LRBA: variants seen among roughly 807,000 people sequenced by gnomAD.
The protein encoded by LRBA is lipopolysaccharide-responsive and beige-like anchor protein.
LRBA carries 176 observed loss-of-function variants against 330.0 expected under a neutral mutation model. The observed-to-expected ratio is 0.53, with a 90% CI of 0.47 to 0.60. The LOEUF (loss-of-function observed/expected upper bound fraction) is 0.60. Ranked by LOEUF, LRBA falls within the 20% of genes least tolerant of loss-of-function variation. LRBA has a pLI of 0.00. For synonymous variants in LRBA, 1,230 were observed against 1,193.0 expected (o/e 1.03, Z -0.64); for missense variants, 3,259 against 3,444.8 (o/e 0.95, Z 1.35).
chr4:150,546,044 G>C (rs1765824888), intron 40 of LRBA, among the ~76,000 whole-genome samples: 2 of 152,106 alleles, frequency 1.3e-5, no homozygotes, highest in African/African-American at 4.8e-5. Context: ...AACTACTGTA[G>C]TTAAAGCTTG....
chr4:150,877,257 CAAAAAAA>C (rs796849728), intron 17 of LRBA, among the ~76,000 whole-genome samples: 2 of 81,780 alleles, frequency 2.4e-5, no homozygotes, highest in Non-Finnish European at 5.3e-5. Context: ...GACTCCGTAT[CAAAAAAA>C]AAAAAAAAAA....
intron 36 of LRBA, among the ~76,000 whole-genome samples, chr4:150,719,914 A>ACTC (rs1728707387): frequency 1.3e-5 from 2 of 152,192 alleles, no homozygotes; most frequent in Admixed American, 1.3e-4. Flanking sequence ...TCCCATGAGA[A>ACTC]CTGTCTATAG....
chr4:150,987,039 C>G (rs948934488), intron 2 of LRBA, among the ~76,000 whole-genome samples: 1 of 152,200 alleles, frequency 6.6e-6, no homozygotes, highest in African/African-American at 2.4e-5. Flanking sequence ...TTTGACATGT[C>G]TCAGGCAAAA....
chr4:150,959,441 GAA>G lies in LRBA; in HGVS notation c.217-30378_217-30377del, dbSNP rs1340518761. Among the ~76,000 whole-genome samples, 3 of 149,244 alleles carry G rather than the reference GAA, an allele frequency of 2.0e-5. 1 individual carries two copies. Among genetic ancestry groups the G allele is most frequent in the African/African-American group, 7.8e-5 (3 of 38,650 alleles). On this transcript the variant is annotated intron_variant, in intron 2 of 56. Transcript: ENST00000651943. ...GAACTAGAAATGAAAATATGAGCCT[GAA>G]ATATCTTGCCATAAAAATAGCAGAA...
intron 23 of LRBA, 59 bp from the exon 24 acceptor site, chr4:150,850,961 A>T: frequency 7.9e-7 from 1 of 1,264,324 alleles, no homozygotes; most frequent in Non-Finnish European, 1.1e-6. Context: ...AGGCTTTAGC[A>T]AAGTAAATAA....
chr4:150,994,684 T>C (rs1018107448), intron 2 of LRBA, among the ~76,000 whole-genome samples: 23 of 152,132 alleles, frequency 1.5e-4, no homozygotes, highest in African/African-American at 5.6e-4. Context: ...CCACAAATTT[T>C]AACAAAGACC....
chr4:150,394,132 T>C (rs893575625), intron 47 of LRBA, among the ~76,000 whole-genome samples: 3 of 152,202 alleles, frequency 2.0e-5, no homozygotes, highest in Admixed American at 1.3e-4. Context: ...CTTGTGATCA[T>C]TCAATATTAT....
intron 34 of LRBA, among the ~76,000 whole-genome samples, chr4:150,763,270 T>C (rs1003029592): frequency 2.6e-5 from 4 of 152,038 alleles, no homozygotes; most frequent in Non-Finnish European, 5.9e-5. Flanking sequence ...TAACAGAATA[T>C]ATCCTTAGGC....
At chr4:150,590,943 T>C in intron 38 of LRBA, 84 bp from the exon 39 acceptor site, 1 of 1,217,388 alleles carries the variant, frequency 8.2e-7, no homozygotes, top group Admixed American at 2.3e-5. Flanking sequence ...TAAGGGTAGG[T>C]GGCCAAAGAT....
chr4:150,968,217 T>C (rs553797327), intron 2 of LRBA, among the ~76,000 whole-genome samples: 1 of 152,248 alleles, frequency 6.6e-6, no homozygotes, highest in Non-Finnish European at 1.5e-5. Context: ...TTGGCCAGGC[T>C]AGTCTCGAAC....
At chr4:150,899,953 C>A in intron 14 of LRBA, 96 bp downstream of exon 14, 1 of 824,470 alleles carries the variant, frequency 1.2e-6, no homozygotes, top group Non-Finnish European at 1.8e-6. Context: ...TATAGAAAAA[C>A]TGCCCAAATA....
intron 40 of LRBA, among the ~76,000 whole-genome samples, chr4:150,560,199 T>C (rs1053616266): frequency 2.6e-5 from 4 of 151,442 alleles, no homozygotes; most frequent in Non-Finnish European, 5.9e-5. Context: ...TATACACTTG[T>C]ATGTATGTGT....
intron 42 of LRBA, among the ~76,000 whole-genome samples, chr4:150,476,381 T>C (rs1176956559): frequency 1.3e-5 from 2 of 152,074 alleles, no homozygotes; most frequent in Non-Finnish European, 2.9e-5. Flanking sequence ...AAAGCACTAA[T>C]AGCTACATGG....
rs558137926 is a variant in LRBA, at chr4:150,942,871, ATT to A, written c.217-13808_217-13807del. On this transcript the variant is annotated intron_variant, in intron 2 of 56. Coordinates refer to ENST00000651943, the MANE Select transcript of LRBA (RefSeq NM_001364905.1). The stretch of plus-strand genomic sequence containing the variant: ...ACTAATAATCTATTATTTAAGTTAG[ATT>A]TTTTTTTCTTTAAATAGTGAGCTAA... 8.0e-4 allele frequency among the ~76,000 whole-genome samples: 121 copies of A among 151,748 alleles called. 2 individuals carry two copies. In the Middle Eastern group the frequency reaches 0.027, roughly 34 times the overall value.
chr4:150,918,657 C>T (rs1732913270), intron 5 of LRBA, among the ~76,000 whole-genome samples: 2 of 152,044 alleles, frequency 1.3e-5, no homozygotes, highest in South Asian at 4.1e-4. Context: ...AGCTGAGACA[C>T]AAGAATCGCT....
chr4:150,414,973 G>C (rs1326207669), intron 47 of LRBA, among the ~76,000 whole-genome samples: 1 of 152,172 alleles, frequency 6.6e-6, no homozygotes, highest in African/African-American at 2.4e-5. Flanking sequence ...CAAATTCAAT[G>C]TGCTTTTAAG....
chr4:150,301,156 C>G (rs1312099425), intron 53 of LRBA, among the ~76,000 whole-genome samples: 1 of 151,922 alleles, frequency 6.6e-6, no homozygotes, highest in East Asian at 1.9e-4. Flanking sequence ...AAAGGAGTCA[C>G]TTATTCTAAG....
At position 150,275,275 on chromosome 4, in the gene LRBA, T is replaced by C. The variant is rs1746606336; in HGVS notation, c.8468+2578A>G. ...CAATAAACTAGGTACTGATGGAATG[T>C]ATCTCAAAATAATAAGAGCTATTTA... On this transcript the variant is annotated intron_variant, in intron 56 of 56. Transcript: ENST00000651943. Among the ~76,000 whole-genome samples the C allele has an allele frequency of 3.3e-5, 5 of 152,332 alleles. No homozygotes were observed. In the South Asian group the frequency reaches 1.0e-3, roughly 32 times the overall value.
chr4:150,470,990 G>C (rs1756056506), intron 43 of LRBA, among the ~76,000 whole-genome samples: 2 of 151,928 alleles, frequency 1.3e-5, no homozygotes, highest in Admixed American at 1.3e-4. Flanking sequence ...TATCACTTAG[G>C]TGCTCAAAAA....
Sources: allele counts gnomAD v4.1 joint callset (sites outside exome capture counted in the v4.1 genomes callset), GRCh38; gene constraint gnomAD v4.1.1; transcripts MANE v1.5; gene names NCBI Gene and HGNC (gene_info 2026-07-23, HGNC 2026-07-21).